The following ZNF683 variants were observed in gnomAD, a reference collection of about 807,000 sequenced individuals.
The protein encoded by ZNF683 is zinc finger protein 683.
In ZNF683, 20 loss-of-function variants were observed where a neutral mutation model predicts 31.4. The ratio of observed to expected loss-of-function variants is 0.64; its 90% CI spans 0.45 to 0.93. The LOEUF is 0.93. Among genes scored for constraint, ZNF683 ranks in the 40% least tolerant of loss-of-function variants. The probability of loss-of-function intolerance (pLI) is 0.00; values close to 1 mark genes in which losing one functional copy is unlikely to be tolerated. For synonymous variants in ZNF683, 264 were observed against 267.6 expected, an observed-to-expected ratio of 0.99 and a Z score of 0.13; for missense variants, 621 against 637.2, an observed-to-expected ratio of 0.97 and a Z score of 0.27.
At chr1:26,371,287 C>A (rs1043425173) in intron 1 of ZNF683, among the ~76,000 whole-genome samples, 1 of 152,168 alleles carries the variant, frequency 6.6e-6, no homozygotes, top group East Asian at 1.9e-4. Context: ...AATCTAGAGG[C>A]CCCAAGAGGC....
In ZNF683 at chr1:26,363,123, G is replaced by T. The variant is rs765298228; in HGVS notation, c.1046C>A (p.Pro349Gln). 2 of 1,612,500 alleles carry T rather than the reference G, an allele frequency of 1.2e-6. No individual in the cohort carries two copies. The highest frequency in any genetic ancestry group is 2.7e-5 in the African/African-American group (2 of 74,884). Residue 349 changes from proline (P) to glutamine (Q), a missense_variant, in exon 5 of 6, where the codon CCA (proline) becomes CAA (glutamine). Pro to Gln is a moderately conservative substitution (Grantham distance 76). Transcript: ENST00000349618. The part of the protein sequence containing the change: ...VHLRVHSGER[P>Q]FQCALCQKSF... ...CTTCTGGCACAAGGCACACTGGAATGGACGCTCTCCACTGTGCACACGCAG... is the reference window on the plus strand; with the variant it reads ...CTTCTGGCACAAGGCACACTGGAATTGACGCTCTCCACTGTGCACACGCAG...
At chr1:26,364,246 G>A (rs1375709151) in intron 4 of ZNF683, among the ~76,000 whole-genome samples, 1 of 152,184 alleles carries the variant, frequency 6.6e-6, no homozygotes, top group Non-Finnish European at 1.5e-5. Flanking sequence ...TAACACTACC[G>A]TTAAATCGGG....
intron 5 of ZNF683, among the ~76,000 whole-genome samples, chr1:26,362,455 T>G (rs902258212): frequency 1.3e-5 from 2 of 152,184 alleles, no homozygotes; most frequent in African/African-American, 4.8e-5. Flanking sequence ...GAAGCATGAC[T>G]AAGTATTAGT....
At position 26,370,699 on chromosome 1, in the gene ZNF683, G is replaced by A. The variant is rs1292619512; in HGVS notation, c.-15+1970C>T. On this transcript the variant is annotated intron_variant, in intron 1 of 5. Coordinates refer to ENST00000349618, the MANE Select transcript of ZNF683 (RefSeq NM_001114759.3). ...CGGTGCTGCAGCAGTGCTCCTGGCTGGGAAGGAAGGAGGTGGGCAGCCAGG... is the reference window on the plus strand; with the variant it reads ...CGGTGCTGCAGCAGTGCTCCTGGCTAGGAAGGAAGGAGGTGGGCAGCCAGG... 4.1e-6 allele frequency: 4 copies of A among 985,626 alleles called. No individual in the cohort carries two copies. In the African/African-American group the frequency reaches 7.0e-5, roughly 17 times the overall value. 61.1% of individuals were successfully genotyped at this position (985,626 alleles called of 1,614,324 possible).
intron 1 of ZNF683, chr1:26,370,819 A>G: frequency 1.3e-6 from 1 of 773,878 alleles, no homozygotes; most frequent in Non-Finnish European, 1.6e-6. Flanking sequence ...GGGGGCAGGC[A>G]GGCTTGGGGG....
upstream of ZNF683, chr1:26,374,140 A>G (rs12079255): frequency 0.13 from 107,585 of 847,052 alleles, 10,515 homozygotes; most frequent in East Asian, 0.57. Flanking sequence ...GTTCACCAAA[A>G]CTCTACTCCC....
chr1:26,368,627 C>T, intron 1 of ZNF683, 42 bp from the exon 2 acceptor site: 1 of 1,529,618 alleles, frequency 6.5e-7, no homozygotes, highest in South Asian at 1.3e-5. Context: ...GAAGGTCCTC[C>T]AAATAGGAGT....
intron 1 of ZNF683, chr1:26,372,408 G>A (rs538396707): frequency 1.0e-5 from 12 of 1,156,864 alleles, no homozygotes; most frequent in Middle Eastern, 2.3e-4. Context: ...GAGGCAAAAG[G>A]TACCTCCCAT....
intron 5 of ZNF683, 67 bp from the exon 6 acceptor site, chr1:26,362,089 C>G (rs1278636564): frequency 6.2e-7 from 1 of 1,613,996 alleles, no homozygotes; most frequent in South Asian, 1.1e-5. Flanking sequence ...ACTCCCTCTC[C>G]TCATCTTGGA....
chr1:26,368,006 T>C (rs2074572274), intron 2 of ZNF683, among the ~76,000 whole-genome samples: 1 of 152,110 alleles, frequency 6.6e-6, no homozygotes, highest in African/African-American at 2.4e-5. Context: ...ATTGCCCTCC[T>C]CCTGTCCCCA....
At chr1:26,362,878 G>T in intron 5 of ZNF683, 148 bp downstream of exon 5, 1 of 1,064,976 alleles carries the variant, frequency 9.4e-7, no homozygotes, top group Non-Finnish European at 1.3e-6. Context: ...TCCAGGCTGA[G>T]AGGAGTCATT....
At chr1:26,372,636 C>T (rs1024493595) in intron 1 of ZNF683, 33 bp downstream of exon 1, 2 of 1,304,254 alleles carry the variant, frequency 1.5e-6, no homozygotes, top group Admixed American at 2.3e-5. Flanking sequence ...AAAATAAAAA[C>T]TACTTCCCCT....
At chr1:26,374,232 G>A, upstream of ZNF683, 3 of 1,302,844 alleles carry the variant, frequency 2.3e-6, no homozygotes, top group Non-Finnish European at 2.0e-6. Flanking sequence ...GGAAGTGAGG[G>A]GCACCGAGTG....
rs1354010508 is a variant in ZNF683 at position 26,364,600 on chromosome 1, T to TC, written c.945dup (p.Lys316GlufsTer77). 1 of 1,613,998 alleles carries TC rather than the reference T, an allele frequency of 6.2e-7. No individual in the cohort carries two copies. Among genetic ancestry groups the TC allele is most frequent in the Non-Finnish European group, 8.5e-7 (1 of 1,179,898 alleles). On this transcript the variant is annotated frameshift_variant, in exon 4 of 6. Coordinates refer to ENST00000349618, the MANE Select transcript of ZNF683 (RefSeq NM_001114759.3). LOFTEE classifies it high-confidence loss of function. ...CACTCGTACAGGATTTTGCCATTCT[T>TC]CTTTTTCAGCGGGTAAGGCAAGGCT...
In ZNF683 at chr1:26,361,759, A is replaced by G; in HGVS notation, c.1407T>C (p.Tyr469=). The change falls in exon 6 of 6, where the codon TAT becomes TAC. Residue 469 remains tyrosine (Y), a synonymous_variant. Coordinates refer to ENST00000349618, the MANE Select transcript of ZNF683 (RefSeq NM_001114759.3). ...MAVASEKHMG[Y]DIDEVKVSST... ...AGGACACTTTGACCTCATCTATGTC[A>G]TAGCCCATGTGTTTCTCAGATGCCA... 6.2e-7 allele frequency: 1 copy of G among 1,614,024 alleles called. No individual in the cohort carries two copies. The highest frequency in any genetic ancestry group is 8.5e-7 in the Non-Finnish European group (1 of 1,179,902).
chr1:26,371,272 C>G (rs946006371), intron 1 of ZNF683, among the ~76,000 whole-genome samples: 1 of 152,172 alleles, frequency 6.6e-6, no homozygotes, highest in Admixed American at 6.5e-5. Flanking sequence ...AAAGTTCTAT[C>G]CTCTAATCTA....
intron 1 of ZNF683, chr1:26,370,635 T>C: frequency 1.5e-5 from 15 of 985,748 alleles, no homozygotes; most frequent in South Asian, 1.4e-4. Context: ...GCAAATACCA[T>C]GGACCCCCGA....
intron 1 of ZNF683, among the ~76,000 whole-genome samples, chr1:26,369,595 G>A (rs960587718): frequency 6.6e-6 from 1 of 152,062 alleles, no homozygotes; most frequent in African/African-American, 2.4e-5. Context: ...TTGAACCCGG[G>A]AGGCAGAGGT....
At chr1:26,369,268 A>G (rs1321560481) in intron 1 of ZNF683, among the ~76,000 whole-genome samples, 1 of 151,584 alleles carries the variant, frequency 6.6e-6, no homozygotes, top group Non-Finnish European at 1.5e-5. Flanking sequence ...ATAAATAAAA[A>G]AATAAAAAAT....
Sources: gnomAD v4.1 joint callset for allele counts (sites outside exome capture counted in the v4.1 genomes callset) on GRCh38, gnomAD v4.1.1 for gene constraint, MANE v1.5 for transcripts, NCBI Gene and HGNC (gene_info 2026-07-23, HGNC 2026-07-21) for gene names.